Variants in RIC1 observed in about 807,000 individuals in gnomAD.
RIC1 encodes RIC1 partner of RAB6A GEF complex.
RIC1 carries 88 observed loss-of-function variants against 169.0 expected under a neutral mutation model. The observed-to-expected ratio is 0.52, with a 90% CI of 0.44 to 0.62. The LOEUF (loss-of-function observed/expected upper bound fraction) is 0.62. Ranked by LOEUF, RIC1 falls within the 20% of genes least tolerant of loss-of-function variation. The pLI, the probability that RIC1 is intolerant of heterozygous loss-of-function variation, is 0.00. For synonymous variants in RIC1, 790 were observed against 601.5 expected, an observed-to-expected ratio of 1.31 and a Z score of -4.59; for missense variants, 1,877 against 1,725.5, an observed-to-expected ratio of 1.09 and a Z score of -1.56.
intron 18 of RIC1, among the ~76,000 whole-genome samples, chr9:5,762,904 G>A (rs1488411906): frequency 6.6e-6 from 1 of 152,066 alleles, no homozygotes; most frequent in African/African-American, 2.4e-5. Flanking sequence ...AAATTCTAAT[G>A]GAAAAAATAG....
chr9:5,715,464 A>G (rs983630029), intron 4 of RIC1, among the ~76,000 whole-genome samples: 4 of 152,236 alleles, frequency 2.6e-5, no homozygotes, highest in African/African-American at 9.6e-5. Flanking sequence ...CTCCAGTGAA[A>G]TAACTGCATT....
chr9:5,706,777 G>A (rs538813817), intron 3 of RIC1, among the ~76,000 whole-genome samples: 8 of 151,940 alleles, frequency 5.3e-5, no homozygotes, highest in Admixed American at 5.2e-4. Flanking sequence ...CTATTTTTTT[G>A]TATGATCAGT....
At chr9:5,676,527 G>A (rs77250606) in intron 2 of RIC1, among the ~76,000 whole-genome samples, 6,796 of 152,268 alleles carry the variant, frequency 0.045, 208 homozygotes, top group Non-Finnish European at 0.069. Flanking sequence ...GTACAGAGAG[G>A]TTAAGTAACC....
chr9:5,657,274 G>C (rs987918491), intron 2 of RIC1, among the ~76,000 whole-genome samples: 2 of 150,924 alleles, frequency 1.3e-5, no homozygotes, highest in Admixed American at 1.3e-4. Context: ...TTTTTCTTCT[G>C]TTCTATTAAA....
intron 12 of RIC1, among the ~76,000 whole-genome samples, chr9:5,752,307 C>T (rs548224325): frequency 3.7e-4 from 56 of 152,134 alleles, no homozygotes; most frequent in Admixed American, 1.8e-3. Context: ...AAAATAATAG[C>T]TTACATACAC....
At chr9:5,735,913 T>C (rs4742119) in intron 7 of RIC1, among the ~76,000 whole-genome samples, 144,478 of 152,316 alleles carry the variant, frequency 0.95, 68,587 homozygotes, top group African/African-American at 0.99. Context: ...CTTATGGTGA[T>C]AATAGTCATA....
intron 16 of RIC1, among the ~76,000 whole-genome samples, chr9:5,756,575 C>T (rs1465312722): frequency 6.6e-6 from 1 of 151,926 alleles, no homozygotes; most frequent in Non-Finnish European, 1.5e-5. Context: ...ACTTCTTTAG[C>T]TTATCTTCCT....
At chr9:5,666,330 TTG>T (rs1204817443) in intron 2 of RIC1, among the ~76,000 whole-genome samples, 1 of 152,234 alleles carries the variant, frequency 6.6e-6, no homozygotes, top group Admixed American at 6.5e-5. Flanking sequence ...CTAATAATTT[TTG>T]TGTGCATTAT....
intron 17 of RIC1, among the ~76,000 whole-genome samples, chr9:5,759,636 G>A (rs991470395): frequency 1.2e-4 from 18 of 152,292 alleles, no homozygotes; most frequent in African/African-American, 3.8e-4. Flanking sequence ...AGAGAAAGTA[G>A]GGAATAATTG....
Position 5,726,971 on chromosome 9 carries a change from C to G in RIC1, c.721-5417C>G, listed in dbSNP as rs553622841. Among the ~76,000 whole-genome samples, 13 of 152,318 alleles carry G rather than the reference C, an allele frequency of 8.5e-5. 1 individual carries two copies. Among genetic ancestry groups the G allele is most frequent in the African/African-American group, 2.2e-4 (9 of 41,558 alleles). On this transcript the variant is annotated intron_variant, in intron 6 of 25. Transcript: ENST00000414202. ...TTTGTGGGTAACCCGACCTTTCTCTCTGGCTGCCCTTAACATTTTTTCCTT... is the reference window on the plus strand; with the variant it reads ...TTTGTGGGTAACCCGACCTTTCTCTGTGGCTGCCCTTAACATTTTTTCCTT...
intron 3 of RIC1, among the ~76,000 whole-genome samples, chr9:5,694,348 G>A (rs938279451): frequency 1.3e-5 from 2 of 152,084 alleles, no homozygotes; most frequent in African/African-American, 2.4e-5. Flanking sequence ...TTCTAGAGAG[G>A]AACTTTAGCC....
At chr9:5,651,438 C>A (rs1818795051) in intron 1 of RIC1, among the ~76,000 whole-genome samples, 1 of 151,816 alleles carries the variant, frequency 6.6e-6, no homozygotes, top group African/African-American at 2.4e-5. Context: ...GCTGTTGTTG[C>A]CTGTGCTTTT....
chr9:5,651,310 G>T (rs1818786945), intron 1 of RIC1, among the ~76,000 whole-genome samples: 1 of 151,640 alleles, frequency 6.6e-6, no homozygotes, highest in African/African-American at 2.4e-5. Flanking sequence ...AAATTCCAGT[G>T]TTGTGTCTTA....
At chr9:5,773,112 T>C (rs1827341992) in intron 25 of RIC1, 32 bp downstream of exon 25, 2 of 1,459,720 alleles carry the variant, frequency 1.4e-6, no homozygotes, top group East Asian at 2.4e-5. Context: ...CTTGGTGTCC[T>C]TCCATGTCTT....
At chr9:5,665,419 C>T (rs1351626406) in intron 2 of RIC1, among the ~76,000 whole-genome samples, 3 of 152,198 alleles carry the variant, frequency 2.0e-5, no homozygotes, top group South Asian at 2.1e-4. Flanking sequence ...TTGTTACCCA[C>T]CTTCCAAAGC....
intron 7 of RIC1, among the ~76,000 whole-genome samples, chr9:5,733,350 GTCTCCTGGGTTCACGCCAT>G (rs1824489285): frequency 6.7e-6 from 1 of 149,924 alleles, no homozygotes; most frequent in South Asian, 2.1e-4. Flanking sequence ...TGCAAGCTCC[GTCTCCTGGGTTCACGCCAT>G]TCTCCTGCCT....
At chr9:5,702,219 T>C (rs1310858145) in intron 3 of RIC1, among the ~76,000 whole-genome samples, 1 of 152,214 alleles carries the variant, frequency 6.6e-6, no homozygotes, top group African/African-American at 2.4e-5. Context: ...GGAATATACT[T>C]TCAGTGTATT....
chr9:5,765,230 T>C (rs1420392801), intron 19 of RIC1, 184 bp from the exon 20 acceptor site: 4 of 578,134 alleles, frequency 6.9e-6, no homozygotes, highest in African/African-American at 5.6e-5. Flanking sequence ...AATTATAGTT[T>C]ACATACACCA....
intron 7 of RIC1, among the ~76,000 whole-genome samples, chr9:5,736,691 A>G (rs949320483): frequency 2.0e-5 from 3 of 152,228 alleles, no homozygotes; most frequent in Admixed American, 6.5e-5. Flanking sequence ...TTAAACTTCT[A>G]GAGGTGAAAA....
Sources: allele counts gnomAD v4.1 joint callset (sites outside exome capture counted in the v4.1 genomes callset), GRCh38; gene constraint gnomAD v4.1.1; transcripts MANE v1.5; gene names NCBI Gene and HGNC (gene_info 2026-07-23, HGNC 2026-07-21).